The following ALPL variants were observed in gnomAD, a reference collection of about 807,000 sequenced individuals.
ALPL encodes the protein alkaline phosphatase, biomineralization associated, also known as alkaline phosphatase, tissue-nonspecific isozyme.
Under a neutral mutation model 51.3 loss-of-function variants are expected in ALPL, and 42 were observed. The observed-to-expected ratio is 0.82, with a 90% CI of 0.64 to 1.06. The LOEUF (loss-of-function observed/expected upper bound fraction) is 1.06. ALPL is among the 50% of genes least tolerant of loss of function. ALPL has a pLI of 0.00. For synonymous variants in ALPL, 279 were observed against 296.4 expected (o/e 0.94, Z 0.60); for missense variants, 589 against 709.4 (o/e 0.83, Z 1.93).
In ALPL at chr1:21,564,307, C is replaced by T. The variant is rs1570277435; in HGVS notation, c.648+91C>T. The T allele has an allele frequency of 2.0e-6, 3 of 1,524,258 alleles. No individual in the cohort carries two copies. The highest frequency in any genetic ancestry group is 1.9e-4 in the Middle Eastern group (1 of 5,304). 94.4% of individuals were successfully genotyped at this position (1,524,258 alleles called of 1,614,324 possible). On this transcript the variant is annotated intron_variant, in intron 6 of 11. Coordinates refer to ENST00000374840, the MANE Select transcript of ALPL (RefSeq NM_000478.6). This position sits in a 1 kb window ranked among gnomAD's most constrained non-coding sequence, Gnocchi z 5.8. Reference sequence around the variant, plus strand: ...CAGGCCCAGGCTGGCCCGGAGAAAGCAGCCTGGCCTGGCTCCCCACACACC... The same window carrying T: ...CAGGCCCAGGCTGGCCCGGAGAAAGTAGCCTGGCCTGGCTCCCCACACACC...
At chr1:21,525,632 C>G (rs921547667) in intron 1 of ALPL, among the ~76,000 whole-genome samples, 3 of 152,242 alleles carry the variant, frequency 2.0e-5, no homozygotes, top group Non-Finnish European at 4.4e-5. Context: ...GCCCAACTGC[C>G]TGTGAGGCCC....
At chr1:21,536,791 C>T (rs1437133927) in intron 1 of ALPL, among the ~76,000 whole-genome samples, 1 of 151,158 alleles carries the variant, frequency 6.6e-6, no homozygotes, top group African/African-American at 2.4e-5. Context: ...TCTGGGTGGC[C>T]AAAAATGACA....
At chr1:21,539,221 C>T (rs868565297) in intron 1 of ALPL, among the ~76,000 whole-genome samples, 7 of 152,232 alleles carry the variant, frequency 4.6e-5, no homozygotes, top group Middle Eastern at 3.4e-3. Context: ...TGACCTTGGG[C>T]ATGCTCCTTA....
chr1:21,567,682 C>A (rs892861004), intron 6 of ALPL, among the ~76,000 whole-genome samples: 2 of 152,214 alleles, frequency 1.3e-5, no homozygotes, highest in Non-Finnish European at 1.5e-5. Flanking sequence ...GGGGAAAAAA[C>A]CAATTTCTGT....
chr1:21,577,245 A>T lies in ALPL; in HGVS notation c.1310-138A>T, dbSNP rs143598125. 5.8e-5 allele frequency: 80 copies of T among 1,390,172 alleles called. No homozygotes were observed. The East Asian group carries it at 1.7e-3, about 29-fold the overall frequency. The allele number at this position is 1,390,172 out of a possible 1,614,324, so 86.1% of individuals were successfully genotyped here. On this transcript the variant is annotated intron_variant, in intron 11 of 11. Coordinates refer to ENST00000374840, the MANE Select transcript of ALPL (RefSeq NM_000478.6). ...AAATCCCGTGGCCTTAGGCAAAATG[A>T]CTTTCCCACATTGAGCCTCCTTTTC... is the stretch of plus-strand genomic sequence containing the variant.
chr1:21,518,887 C>A (rs1018633791), intron 1 of ALPL, among the ~76,000 whole-genome samples: 2 of 152,180 alleles, frequency 1.3e-5, no homozygotes, highest in Non-Finnish European at 2.9e-5. Context: ...CAAAACCGAC[C>A]CGCCCACAAA....
chr1:21,526,208 C>T (rs530143739), intron 1 of ALPL, among the ~76,000 whole-genome samples: 44 of 152,108 alleles, frequency 2.9e-4, no homozygotes, highest in Middle Eastern at 3.4e-3. Context: ...AGCGCCATCT[C>T]GGCTCACTGC....
chr1:21,575,728 C>T lies in ALPL; in HGVS notation c.998-5C>T, dbSNP rs1341639488. 2.5e-6 allele frequency: 4 copies of T among 1,614,098 alleles called. No homozygotes were observed. Among genetic ancestry groups the T allele is most frequent in the Non-Finnish European group, 3.4e-6 (4 of 1,180,038 alleles). On this transcript the variant is annotated splice_region_variant and splice_polypyrimidine_tract_variant and intron_variant, in intron 9 of 11. Transcript: ENST00000374840. ...TCACCGAGGCCTTTGCCTTGGTGTC[C>T]CAAGGAGGCAGAATTGACCACGGGC...
At chr1:21,575,650 A>G (rs1268911551) in intron 9 of ALPL, 83 bp from the exon 10 acceptor site, 11 of 1,533,158 alleles carry the variant, frequency 7.2e-6, no homozygotes, top group Non-Finnish European at 9.9e-6. Context: ...AACAAAGGTT[A>G]ATCCAGCAGC....
intron 1 of ALPL, among the ~76,000 whole-genome samples, chr1:21,518,943 C>T (rs1349869382): frequency 6.6e-6 from 1 of 152,176 alleles, no homozygotes; most frequent in African/African-American, 2.4e-5. Context: ...GCTGAAAGAC[C>T]CCACTTGGTT....
Position 21,551,806 on chromosome 1 carries a change from A to G in ALPL, c.-104-2172A>G, listed in dbSNP as rs1476410227. ...AGTGGCGCGATCTCGGCTCACTGCA[A>G]GCTCCGCCTCCCGGGTTCACGCCAT... On this transcript the variant is annotated intron_variant, in intron 1 of 11. Transcript: ENST00000374840. Among the ~76,000 whole-genome samples the G allele has an allele frequency of 1.8e-4, 26 of 144,082 alleles. No homozygotes were observed. In the Admixed American group the frequency reaches 1.8e-3, roughly 10 times the overall value. The allele number at this position is 144,082 out of a possible 152,430, so 94.5% of individuals were successfully genotyped here.
chr1:21,568,009 C>T, intron 6 of ALPL, 95 bp from the exon 7 acceptor site: 3 of 1,557,182 alleles, frequency 1.9e-6, no homozygotes, highest in Admixed American at 3.4e-5. Context: ...CACACCATCT[C>T]CAGGGACTCC....
At chr1:21,569,121 C>A (rs1052382743) in intron 7 of ALPL, among the ~76,000 whole-genome samples, 2 of 152,082 alleles carry the variant, frequency 1.3e-5, no homozygotes, top group African/African-American at 4.8e-5. Flanking sequence ...TAGGGAAGGG[C>A]CCCCGTGGGG....
intron 2 of ALPL, among the ~76,000 whole-genome samples, chr1:21,559,273 G>T (rs1005747396): frequency 2.0e-5 from 3 of 152,200 alleles, no homozygotes; most frequent in Non-Finnish European, 4.4e-5. Flanking sequence ...GGACAGAGGG[G>T]AGCCCCGCAG....
chr1:21,534,392 T>G (rs61158180), intron 1 of ALPL, among the ~76,000 whole-genome samples: 19,788 of 151,988 alleles, frequency 0.13, 1,861 homozygotes, highest in East Asian at 0.48. Flanking sequence ...AGAACAAAGG[T>G]GGGTTGGACA....
At chr1:21,530,373 TG>T (rs1465849818) in intron 1 of ALPL, among the ~76,000 whole-genome samples, 1 of 152,240 alleles carries the variant, frequency 6.6e-6, no homozygotes. Flanking sequence ...TTGGATACTC[TG>T]TTCTTTAACT....
intron 1 of ALPL, among the ~76,000 whole-genome samples, chr1:21,546,374 G>A (rs367637858): frequency 4.6e-5 from 7 of 152,186 alleles, no homozygotes; most frequent in African/African-American, 1.7e-4. Flanking sequence ...GATCTGAGGT[G>A]TACCAGGAGA....
chr1:21,524,260 C>T (rs1203197113), intron 1 of ALPL, among the ~76,000 whole-genome samples: 1 of 152,102 alleles, frequency 6.6e-6, no homozygotes, highest in Non-Finnish European at 1.5e-5. Context: ...CCTCAGCCTC[C>T]CAAAGTGCTG....
rs758734017 is a variant in ALPL, at chr1:21,563,212, A to C, written c.400A>C (p.Thr134Pro). 2.2e-4 allele frequency: 350 copies of C among 1,613,804 alleles called. No homozygotes were observed. The highest frequency in any genetic ancestry group is 2.9e-4 in the Non-Finnish European group (346 of 1,180,020). Residue 134 changes from threonine to proline, a missense_variant, in exon 5 of 12, where the codon ACT becomes CCT. Coordinates refer to ENST00000374840, the MANE Select transcript of ALPL (RefSeq NM_000478.6). ...GGGCACCGTGGGGGTAAGCGCAGCCACTGAGCGTTCCCGGTGCAACACCAC... is the reference window on the plus strand; with the variant it reads ...GGGCACCGTGGGGGTAAGCGCAGCCCCTGAGCGTTCCCGGTGCAACACCAC... The part of the protein sequence containing the change: ...NEGTVGVSAA[T>P]ERSRCNTTQG...
Sources: gnomAD v4.1 joint callset for allele counts (sites outside exome capture counted in the v4.1 genomes callset) on GRCh38, gnomAD v4.1.1 for gene constraint, Gnocchi (gnomAD v3.1) non-coding constraint, MANE v1.5 for transcripts, NCBI Gene and HGNC (gene_info 2026-07-23, HGNC 2026-07-21) for gene names.